SNRPD1: variants seen among roughly 807,000 people sequenced by gnomAD.
The protein encoded by SNRPD1 is small nuclear ribonucleoprotein D1 polypeptide, also known as small nuclear ribonucleoprotein Sm D1.
SNRPD1 carries 1 observed loss-of-function variant against 14.4 expected under a neutral mutation model. The observed-to-expected ratio is 0.07, with a 90% CI of 0.02 to 0.33. SNRPD1 has a LOEUF of 0.33. Among genes scored for constraint, SNRPD1 ranks in the 10% least tolerant of loss-of-function variants. The pLI is 1.00. For synonymous variants in SNRPD1, 42 were observed against 50.3 expected (o/e 0.83, Z 0.70); for missense variants, 52 against 146.4 (o/e 0.36, Z 3.33).
intron 3 of SNRPD1, among the ~76,000 whole-genome samples, chr18:21,624,411 G>T (rs562736204): frequency 1.7e-3 from 249 of 149,160 alleles, no homozygotes; most frequent in African/African-American, 5.8e-3. Context: ...TATCGATGTG[G>T]TCGGGCAGGG....
chr18:21,612,892 G>A (rs1314217666), intron 1 of SNRPD1, among the ~76,000 whole-genome samples: 1 of 152,136 alleles, frequency 6.6e-6, no homozygotes, highest in Non-Finnish European at 1.5e-5. Flanking sequence ...AAATAAAGAT[G>A]GTGTCTCACT....
In SNRPD1 at chr18:21,632,621, T is replaced by C. The variant is rs981872852; in HGVS notation, c.*3483T>C. ...TCATTTCCATGTGAAAGGGCTAAAA[T>C]TGGGTGAAGAAAAAGCTATTTGAAC... On this transcript the variant is annotated 3_prime_UTR_variant, in exon 4 of 4. Transcript: ENST00000300413. 7 of 151,972 alleles carry C rather than the reference T, an allele frequency of 4.6e-5. No homozygotes were observed. The highest frequency in any genetic ancestry group is 1.7e-4 in the African/African-American group (7 of 41,382). The allele number at this position is 151,972 out of a possible 1,614,324, so 9.4% of individuals were successfully genotyped here.
At chr18:21,613,299 G>A (rs1284835366) in intron 1 of SNRPD1, among the ~76,000 whole-genome samples, 1 of 152,166 alleles carries the variant, frequency 6.6e-6, no homozygotes, top group Non-Finnish European at 1.5e-5. Flanking sequence ...ACTAAGCCTG[G>A]AACAGAGGCA....
At position 21,623,734 on chromosome 18, in the gene SNRPD1, A is replaced by T; in HGVS notation, c.92-14A>T. On this transcript the variant is annotated splice_polypyrimidine_tract_variant and intron_variant, in intron 2 of 3. Coordinates refer to ENST00000300413, the MANE Select transcript of SNRPD1 (RefSeq NM_006938.4). ...GTATCATACTAATAACTGCACAATT[A>T]TTTTCCTCTTTAGGTGTGGATGTCA... 1 of 1,590,170 alleles carries T rather than the reference A, an allele frequency of 6.3e-7. No homozygotes were observed. Among genetic ancestry groups the T allele is most frequent in the Non-Finnish European group, 8.6e-7 (1 of 1,166,882 alleles).
chr18:21,622,524 G>A (rs1264805052), intron 1 of SNRPD1, among the ~76,000 whole-genome samples: 1 of 152,290 alleles, frequency 6.6e-6, no homozygotes, highest in East Asian at 1.9e-4. Context: ...CCAAATGACA[G>A]TTTATGTTAG....
intron 1 of SNRPD1, 121 bp from the exon 2 acceptor site, chr18:21,622,604 G>A (rs570712092): frequency 8.3e-5 from 50 of 603,576 alleles, no homozygotes; most frequent in Non-Finnish European, 1.5e-4. Context: ...GCAGATTATT[G>A]ATAGGAATTG....
At chr18:21,625,128 C>T (rs368105040) in intron 3 of SNRPD1, among the ~76,000 whole-genome samples, 2 of 151,780 alleles carry the variant, frequency 1.3e-5, no homozygotes, top group African/African-American at 4.8e-5. Context: ...GCTTTAATGT[C>T]GTTAGGGTTA....
chr18:21,619,858 C>T (rs2038985154), intron 1 of SNRPD1, among the ~76,000 whole-genome samples: 1 of 152,160 alleles, frequency 6.6e-6, no homozygotes, highest in Non-Finnish European at 1.5e-5. Context: ...AGTCATGGCT[C>T]ATTGCAGCCT....
chr18:21,626,580 G>A (rs1270034319), intron 3 of SNRPD1, among the ~76,000 whole-genome samples: 1 of 151,634 alleles, frequency 6.6e-6, no homozygotes, highest in Non-Finnish European at 1.5e-5. Flanking sequence ...CACAAGGTCA[G>A]GAGTTCAACA....
rs373016009 is a variant in SNRPD1 at position 21,629,141 on chromosome 18, T to A, written c.*3T>A. The stretch of plus-strand genomic sequence containing the variant: ...GAAGAGGGGGTCCTAGGCGATAATG[T>A]CTCTCAAGATTTCAAAGTCATATGA... On this transcript the variant is annotated 3_prime_UTR_variant, in exon 4 of 4. Transcript: ENST00000300413. 1.2e-6 allele frequency: 2 copies of A among 1,602,708 alleles called. No homozygotes were observed. Among genetic ancestry groups the A allele is most frequent in the Non-Finnish European group, 1.7e-6 (2 of 1,169,804 alleles).
chr18:21,625,863 C>T (rs2039034704), intron 3 of SNRPD1, among the ~76,000 whole-genome samples: 1 of 152,076 alleles, frequency 6.6e-6, no homozygotes, highest in Admixed American at 6.6e-5. Flanking sequence ...CCTGCCTGGG[C>T]CTCCCTAAGT....
chr18:21,626,113 C>A (rs1719545876), intron 3 of SNRPD1, among the ~76,000 whole-genome samples: 1 of 152,080 alleles, frequency 6.6e-6, no homozygotes, highest in South Asian at 2.1e-4. Flanking sequence ...CTGAAATTGG[C>A]CAGGTGCGGT....
In SNRPD1 at chr18:21,631,604, T is replaced by C. The variant is rs1260506139; in HGVS notation, c.*2466T>C. On this transcript the variant is annotated 3_prime_UTR_variant, in exon 4 of 4. Transcript: ENST00000300413. ...GGTGCCTGCCACCACACCCAGCTAA[T>C]TTTTTGTCTTTTTAGTAGAGACGGG... 6.6e-6 allele frequency: 1 copy of C among 151,436 alleles called. No individual in the cohort carries two copies. The highest frequency in any genetic ancestry group is 2.4e-5 in the African/African-American group (1 of 41,162). 9.4% of individuals were successfully genotyped at this position (151,436 alleles called of 1,614,324 possible). A position where few individuals can be genotyped will look rare whatever the true frequency, so the allele number is the denominator to read the frequency against.
chr18:21,631,722 C>A lies in SNRPD1; in HGVS notation c.*2584C>A, dbSNP rs1410664483. On this transcript the variant is annotated 3_prime_UTR_variant, in exon 4 of 4. Coordinates refer to ENST00000300413, the MANE Select transcript of SNRPD1 (RefSeq NM_006938.4). ...GGGATTACAGGCGTGAGCCACCGTGCGTCCCCGGCCTATACCTTTCATTAA... is the reference window on the plus strand; with the variant it reads ...GGGATTACAGGCGTGAGCCACCGTGAGTCCCCGGCCTATACCTTTCATTAA... The A allele has an allele frequency of 6.6e-5, 10 of 152,228 alleles. 1 individual carries two copies. Among genetic ancestry groups the A allele is most frequent in the Admixed American group, 6.6e-4 (10 of 15,262 alleles). The allele number at this position is 152,228 out of a possible 1,614,324, so 9.4% of individuals were successfully genotyped here.
chr18:21,626,118 T>G (rs965134133), intron 3 of SNRPD1, among the ~76,000 whole-genome samples: 15 of 151,904 alleles, frequency 9.9e-5, no homozygotes, highest in African/African-American at 3.6e-4. Context: ...ATTGGCCAGG[T>G]GCGGTGGCTC....
At chr18:21,613,853 T>TAAAA (rs2038938235) in intron 1 of SNRPD1, among the ~76,000 whole-genome samples, 1 of 19,692 alleles carries the variant, frequency 5.1e-5, no homozygotes, top group Non-Finnish European at 7.7e-5. Context: ...AGACTCCATC[T>TAAAA]CAAAAAAAAA....
intron 3 of SNRPD1, among the ~76,000 whole-genome samples, chr18:21,624,512 C>G (rs1475980031): frequency 6.6e-6 from 1 of 151,542 alleles, no homozygotes; most frequent in African/African-American, 2.4e-5. Flanking sequence ...GTCAACATGG[C>G]GAAACCCCCT....
In SNRPD1 at chr18:21,630,035, C is replaced by T. The variant is rs2039069509; in HGVS notation, c.*897C>T. ...TGCTTTGTTGTCTAGCTGCTAATGT[C>T]TTACTTTTGTTTCTTTTGCTTTTTA... On this transcript the variant is annotated 3_prime_UTR_variant, in exon 4 of 4. Coordinates refer to ENST00000300413, the MANE Select transcript of SNRPD1 (RefSeq NM_006938.4). 1 of 152,072 alleles carries T rather than the reference C, an allele frequency of 6.6e-6. No homozygotes were observed. The highest frequency in any genetic ancestry group is 6.6e-5 in the Admixed American group (1 of 15,248). 9.4% of individuals were successfully genotyped at this position (152,072 alleles called of 1,614,324 possible).
chr18:21,612,377 C>T lies in SNRPD1; in HGVS notation c.-53C>T. 6.8e-7 allele frequency: 1 copy of T among 1,472,904 alleles called. No individual in the cohort carries two copies. The highest frequency in any genetic ancestry group is 9.2e-7 in the Non-Finnish European group (1 of 1,087,830). The allele number at this position is 1,472,904 out of a possible 1,614,324, so 91.2% of individuals were successfully genotyped here. ...ATTCATACTGCAGTCGGTCAGTGTT[C>T]GGTTGAAGGATTCTGTGTGCTGTCG... is the stretch of plus-strand genomic sequence containing the variant. On this transcript the variant is annotated 5_prime_UTR_variant, in exon 1 of 4. Transcript: ENST00000300413.
Sources: allele counts gnomAD v4.1 joint callset (sites outside exome capture counted in the v4.1 genomes callset), GRCh38; gene constraint gnomAD v4.1.1; transcripts MANE v1.5; gene names NCBI Gene and HGNC (gene_info 2026-07-23, HGNC 2026-07-21).